Variants in RIMBP2 observed in about 807,000 individuals in gnomAD.
RIMBP2 encodes the protein RIMS binding protein 2, also known as RIMS-binding protein 2.
RIMBP2 carries 48 observed loss-of-function variants against 118.6 expected under a neutral mutation model. The ratio of observed to expected loss-of-function variants is 0.40; its 90% CI spans 0.32 to 0.51. The LOEUF is 0.51. Among genes scored for constraint, RIMBP2 ranks in the 20% least tolerant of loss-of-function variants. RIMBP2 has a pLI of 0.41. For missense variants in RIMBP2, 1,551 were observed against 1,768.3 expected (o/e 0.88, Z 2.20); for synonymous variants, 762 against 742.9 (o/e 1.03, Z -0.42).
intron 1 of RIMBP2, among the ~76,000 whole-genome samples, chr12:130,641,849 C>G (rs1172888154): frequency 1.3e-5 from 2 of 152,098 alleles, no homozygotes; most frequent in African/African-American, 4.8e-5. Flanking sequence ...CTGGGCCCCT[C>G]AAAGCCATAG....
chr12:130,604,162 A>G (rs1267584905), intron 2 of RIMBP2, among the ~76,000 whole-genome samples: 3 of 152,116 alleles, frequency 2.0e-5, no homozygotes, highest in Non-Finnish European at 4.4e-5. Context: ...AACGGTGTTA[A>G]AATGTTTTAA....
At chr12:130,429,495 G>C (rs894568153) in intron 14 of RIMBP2, 3 of 152,100 alleles carry the variant, frequency 2.0e-5, no homozygotes, top group African/African-American at 7.2e-5. Flanking sequence ...TCGACAACTC[G>C]AACTACACGT....
chr12:130,479,903 G>A (rs34645375), intron 4 of RIMBP2, among the ~76,000 whole-genome samples: 3,193 of 151,682 alleles, frequency 0.021, 55 homozygotes, highest in East Asian at 0.052. Context: ...GCCCTCTGCG[G>A]GCCCTTCCCT....
intron 1 of RIMBP2, among the ~76,000 whole-genome samples, chr12:130,646,030 G>A (rs551213285): frequency 2.0e-5 from 3 of 150,228 alleles, no homozygotes; most frequent in Admixed American, 6.6e-5. Context: ...TCTGTGGTGC[G>A]GCAGCCAGTT....
At chr12:130,551,857 T>G (rs2055820342) in intron 2 of RIMBP2, among the ~76,000 whole-genome samples, 1 of 152,234 alleles carries the variant, frequency 6.6e-6, no homozygotes, top group African/African-American at 2.4e-5. Flanking sequence ...CAGAAGTGGA[T>G]TCCTACATTA....
At chr12:130,542,526 G>T (rs982411232) in intron 2 of RIMBP2, among the ~76,000 whole-genome samples, 2 of 152,194 alleles carry the variant, frequency 1.3e-5, no homozygotes, top group Non-Finnish European at 2.9e-5. Context: ...TCAAATTTGA[G>T]AAGAGGGTGG....
In RIMBP2 at chr12:130,525,206, G is replaced by C. The variant is rs969130602; in HGVS notation, c.-216-7289C>G. ...GCAGGGCAGAAGCAATGGGAAGCCA[G>C]CTCCAGGCTTTTCTAGGAGCTGAGT... On this transcript the variant is annotated intron_variant, in intron 2 of 22. Coordinates refer to ENST00000690449, the MANE Select transcript of RIMBP2 (RefSeq NM_001393629.1). This position sits in a 1 kb window ranked among gnomAD's most constrained non-coding sequence, Gnocchi z 4.4. Among the ~76,000 whole-genome samples, 8 of 152,242 alleles carry C rather than the reference G, an allele frequency of 5.3e-5. No homozygotes were observed. The highest frequency in any genetic ancestry group is 1.2e-4 in the Non-Finnish European group (8 of 68,052).
chr12:130,613,362 C>A (rs2060682201), intron 2 of RIMBP2, among the ~76,000 whole-genome samples: 1 of 152,186 alleles, frequency 6.6e-6, no homozygotes, highest in African/African-American at 2.4e-5. Flanking sequence ...CCTCATCGGC[C>A]AAGCCACCTG....
rs970042659 is a variant in RIMBP2 at position 130,621,674 on chromosome 12, A to G, written c.-217+6648T>C. ...CCTGCAGAACAAAAGGAGCAAGTAA[A>G]TGACATCCCAGGGCCCGAGTTTACC... On this transcript the variant is annotated intron_variant, in intron 2 of 22. Coordinates refer to ENST00000690449, the MANE Select transcript of RIMBP2 (RefSeq NM_001393629.1). This position sits in a 1 kb window ranked among gnomAD's most constrained non-coding sequence, Gnocchi z 6.6. Among the ~76,000 whole-genome samples, 6 of 152,220 alleles carry G rather than the reference A, an allele frequency of 3.9e-5. No individual in the cohort carries two copies. Among genetic ancestry groups the G allele is most frequent in the Non-Finnish European group, 5.9e-5 (4 of 68,038 alleles).
In RIMBP2 at chr12:130,617,781, C is replaced by T. The variant is rs1414011129; in HGVS notation, c.-217+10541G>A. ...CGCAAATTAGATTATTCTGGTAGAA[C>T]AGGAATCACTCCGTTGTCTGGGCTA... On this transcript the variant is annotated intron_variant, in intron 2 of 22. Coordinates refer to ENST00000690449, the MANE Select transcript of RIMBP2 (RefSeq NM_001393629.1). This position sits in a 1 kb window ranked among gnomAD's most constrained non-coding sequence, Gnocchi z 4.6. Among the ~76,000 whole-genome samples, 2 of 152,282 alleles carry T rather than the reference C, an allele frequency of 1.3e-5. No individual in the cohort carries two copies. The highest frequency in any genetic ancestry group is 1.9e-4 in the East Asian group (1 of 5,178).
intron 2 of RIMBP2, among the ~76,000 whole-genome samples, chr12:130,587,573 G>T (rs1261790232): frequency 1.1e-5 from 1 of 87,148 alleles, no homozygotes; most frequent in Non-Finnish European, 2.2e-5. Context: ...GTAAACTATC[G>T]CAAGAACAAA....
intron 11 of RIMBP2, among the ~76,000 whole-genome samples, chr12:130,441,558 A>C (rs187046081): frequency 2.3e-4 from 35 of 152,240 alleles, no homozygotes; most frequent in African/African-American, 8.4e-4. Flanking sequence ...CGGAAGATGT[A>C]ACCGTGTCCC....
At chr12:130,403,428 G>A (rs1405857661) in intron 21 of RIMBP2, among the ~76,000 whole-genome samples, 2 of 151,462 alleles carry the variant, frequency 1.3e-5, no homozygotes, top group Admixed American at 6.6e-5. Context: ...GAAACATGCA[G>A]ACAAATTAGA....
intron 2 of RIMBP2, among the ~76,000 whole-genome samples, chr12:130,518,809 T>G (rs67053891): frequency 0.062 from 9,422 of 152,226 alleles, 394 homozygotes; most frequent in South Asian, 0.16. Flanking sequence ...AAGATGAGTC[T>G]GAAAAGAGAA....
At chr12:130,533,695 T>C (rs1008296322) in intron 2 of RIMBP2, among the ~76,000 whole-genome samples, 8 of 152,184 alleles carry the variant, frequency 5.3e-5, no homozygotes, top group African/African-American at 1.9e-4. Context: ...AAAGAAAATA[T>C]GGTATACATA....
chr12:130,693,066 G>A (rs2065401497), intron 1 of RIMBP2, among the ~76,000 whole-genome samples: 1 of 152,046 alleles, frequency 6.6e-6, no homozygotes, highest in African/African-American at 2.4e-5. Flanking sequence ...ATTGCTCCAT[G>A]ACCAAGTACC....
intron 1 of RIMBP2, among the ~76,000 whole-genome samples, chr12:130,689,494 A>C (rs2065219599): frequency 6.6e-6 from 1 of 152,170 alleles, no homozygotes; most frequent in Non-Finnish European, 1.5e-5. Flanking sequence ...TAGACCTGAC[A>C]CATAAGCAAA....
rs143236908 is a variant in RIMBP2 at position 130,645,520 on chromosome 12, G to A, written c.-351-17064C>T. Among the ~76,000 whole-genome samples, 434 of 152,326 alleles carry A rather than the reference G, an allele frequency of 2.8e-3. 1 individual carries two copies. The highest frequency in any genetic ancestry group is 5.7e-3 in the Admixed American group (87 of 15,308). ...CCTTCCACCCCTACAGTCAGGACAC[G>A]GGATGGGCAGAGAACTCAAGCCAGT... On this transcript the variant is annotated intron_variant, in intron 1 of 22. Transcript: ENST00000690449.
chr12:130,405,701 C>A (rs1428122169), intron 21 of RIMBP2, among the ~76,000 whole-genome samples: 1 of 152,106 alleles, frequency 6.6e-6, no homozygotes, highest in East Asian at 1.9e-4. Flanking sequence ...GGGTTCCAAG[C>A]TGCTAACAGC....
Sources: gnomAD v4.1 joint callset for allele counts (sites outside exome capture counted in the v4.1 genomes callset) on GRCh38, gnomAD v4.1.1 for gene constraint, Gnocchi (gnomAD v3.1) non-coding constraint, MANE v1.5 for transcripts, NCBI Gene and HGNC (gene_info 2026-07-23, HGNC 2026-07-21) for gene names.